Variants in KYNU observed in about 807,000 individuals in gnomAD.
The protein encoded by KYNU is L-kynurenine hydrolase.
Under a neutral mutation model 59.2 loss-of-function variants are expected in KYNU, and 54 were observed. That is an observed-to-expected ratio of 0.91 (90% CI 0.73 to 1.14). The LOEUF is 1.14. KYNU is among the 50% of genes most tolerant of loss of function. The pLI is 0.00. For synonymous variants in KYNU, 177 were observed against 192.0 expected (o/e 0.92, Z 0.65); for missense variants, 567 against 554.4 (o/e 1.02, Z -0.23).
At chr2:142,952,691 A>G (rs1179565867) in intron 4 of KYNU, among the ~76,000 whole-genome samples, 1 of 152,182 alleles carries the variant, frequency 6.6e-6, no homozygotes, top group African/African-American at 2.4e-5. Flanking sequence ...CTCCTGCCTC[A>G]GCCTACCATT....
intron 10 of KYNU, among the ~76,000 whole-genome samples, chr2:143,001,516 A>G (rs1685708001): frequency 6.6e-6 from 1 of 152,174 alleles, no homozygotes; most frequent in Non-Finnish European, 1.5e-5. Context: ...TTGTTAAACC[A>G]TTTTGCTTTA....
In KYNU at chr2:142,954,867, T is replaced by C; in HGVS notation, c.431T>C (p.Leu144Pro). ...GCTTTGACTGTAAATTTACATCTTCTAATGGTAAGTTTTCTTTCCCACTAA... is the reference window on the plus strand; with the variant it reads ...GCTTTGACTGTAAATTTACATCTTCCAATGGTAAGTTTTCTTTCCCACTAA... ...MNALTVNLHL[L>P]MLSFFKPTPK... Residue 144 changes from leucine to proline, a missense_variant, in exon 5 of 14, where the codon CTA becomes CCA. Leu to Pro is a moderately conservative substitution (Grantham distance 98, BLOSUM62 -3). Coordinates refer to ENST00000264170, the MANE Select transcript of KYNU (RefSeq NM_003937.3). 6.3e-7 allele frequency: 1 copy of C among 1,579,756 alleles called. No individual in the cohort carries two copies. The highest frequency in any genetic ancestry group is 1.3e-5 in the African/African-American group (1 of 74,282).
intron 10 of KYNU, among the ~76,000 whole-genome samples, chr2:142,993,506 A>G (rs1685459665): frequency 6.6e-6 from 1 of 152,066 alleles, no homozygotes; most frequent in African/African-American, 2.4e-5. Context: ...AAGTAGACAC[A>G]CCACTTGAAG....
chr2:142,939,602 CA>C (rs71301737), intron 4 of KYNU, among the ~76,000 whole-genome samples: 7,761 of 64,698 alleles, frequency 0.12, 133 homozygotes, highest in East Asian at 0.34. Context: ...CTCCATCTCA[CA>C]AAAAAAAAAA....
At chr2:142,973,875 A>C (rs1388346980) in intron 8 of KYNU, among the ~76,000 whole-genome samples, 1 of 152,212 alleles carries the variant, frequency 6.6e-6, no homozygotes, top group Non-Finnish European at 1.5e-5. Flanking sequence ...AAATATGTAA[A>C]GAGAATATTG....
intron 2 of KYNU, among the ~76,000 whole-genome samples, chr2:142,911,934 T>C (rs1046985633): frequency 6.6e-5 from 10 of 152,306 alleles, no homozygotes; most frequent in Admixed American, 5.9e-4. Flanking sequence ...CATGTGCTTC[T>C]GGATTTGGTT....
Position 142,975,168 on chromosome 2 carries a change from C to G in KYNU, c.730-9916C>G, listed in dbSNP as rs143818918. 2.2e-4 allele frequency among the ~76,000 whole-genome samples: 33 copies of G among 152,190 alleles called. 1 individual carries two copies. The East Asian group carries it at 4.8e-3, about 22-fold the overall frequency. Reference sequence around the variant, plus strand: ...CCTGGCTCACCATGACTGCTCCCCCCACCAAATCCTGTACCCATAAAAACC... The same window carrying G: ...CCTGGCTCACCATGACTGCTCCCCCGACCAAATCCTGTACCCATAAAAACC... On this transcript the variant is annotated intron_variant, in intron 8 of 13. Transcript: ENST00000264170.
rs932332112 is a variant in KYNU at position 143,040,428 on chromosome 2, A to T, written c.1042A>T (p.Ile348Phe). Residue 348 changes from isoleucine (I) to phenylalanine (F), a missense_variant and splice_region_variant, in exon 13 of 14, where the codon ATC becomes TTC. Coordinates refer to ENST00000264170, the MANE Select transcript of KYNU (RefSeq NM_003937.3). ...LVCSLHASLE[I>F]FKQATMKALR... ...AATCTGATTGTTTCTCATTCCACAG[A>T]TCTTTAAGCAAGCGACAATGAAGGC... The T allele has an allele frequency of 6.2e-7, 1 of 1,608,870 alleles. No homozygotes were observed. Among genetic ancestry groups the T allele is most frequent in the Non-Finnish European group, 8.5e-7 (1 of 1,175,706 alleles).
At chr2:142,966,977 T>TAAA (rs112738856) in intron 8 of KYNU, among the ~76,000 whole-genome samples, 1 of 146,110 alleles carries the variant, frequency 6.8e-6, no homozygotes. Flanking sequence ...ACACTAGAAT[T>TAAA]AAAAAAAAAA....
At chr2:142,926,365 TAA>T (rs1411169388) in intron 3 of KYNU, among the ~76,000 whole-genome samples, 2 of 152,196 alleles carry the variant, frequency 1.3e-5, no homozygotes, top group East Asian at 1.9e-4. Context: ...TATTATGAAA[TAA>T]GTTTTAAAAT....
At chr2:142,914,550 T>C (rs1433028931) in intron 2 of KYNU, among the ~76,000 whole-genome samples, 1 of 152,186 alleles carries the variant, frequency 6.6e-6, no homozygotes, top group African/African-American at 2.4e-5. Flanking sequence ...AATTAAAAGT[T>C]AGTGGCAACT....
chr2:143,047,938 G>A lies in KYNU; in HGVS notation c.*5766G>A, dbSNP rs1390495488. On this transcript the variant is annotated 3_prime_UTR_variant, in exon 14 of 14. Coordinates refer to ENST00000264170, the MANE Select transcript of KYNU (RefSeq NM_003937.3). The stretch of plus-strand genomic sequence containing the variant: ...TAGTGGCACGATCTCAGCTCACTGC[G>A]GGTTCAAGCAATTTTCATGCCTCAG... 1 of 3,836 alleles carries A rather than the reference G, an allele frequency of 2.6e-4. No individual in the cohort carries two copies. The highest frequency in any genetic ancestry group is 5.2e-3 in the South Asian group (1 of 194). The allele number at this position is 3,836 out of a possible 1,614,324, so 0.2% of individuals were successfully genotyped here.
chr2:142,885,544 T>C lies in KYNU; in HGVS notation c.169+8T>C. ...TACAGGATCTGCCTCCAGGTAAGAA[T>C]GCTGGGAAGGTTTTTAAATTTTATT... On this transcript the variant is annotated splice_region_variant and intron_variant, in intron 2 of 13. Transcript: ENST00000264170. 1.2e-6 allele frequency: 2 copies of C among 1,610,612 alleles called. No individual in the cohort carries two copies. Among genetic ancestry groups the C allele is most frequent in the South Asian group, 1.1e-5 (1 of 90,572 alleles).
At chr2:142,985,323 C>T (rs556360342) in intron 9 of KYNU, 141 bp downstream of exon 9, 127 of 678,994 alleles carry the variant, frequency 1.9e-4, no homozygotes, top group South Asian at 1.6e-3. Flanking sequence ...TTTTGTTAAT[C>T]GAGTTATATG....
intron 2 of KYNU, among the ~76,000 whole-genome samples, chr2:142,887,571 A>G (rs150600236): frequency 1.3e-5 from 2 of 152,334 alleles, no homozygotes; most frequent in African/African-American, 4.8e-5. Context: ...GATATGATGG[A>G]ACCTTATTAA....
rs6728443 is a variant in KYNU at position 142,916,959 on chromosome 2, C to A, written c.170-1650C>A. ...AAGTGAGAGAGAAAACCAAGAGGAC[C>A]ATTGAGAAACTGCAAAAAATGTATG... On this transcript the variant is annotated intron_variant, in intron 2 of 13. Transcript: ENST00000264170. 2.8e-3 allele frequency among the ~76,000 whole-genome samples: 433 copies of A among 152,226 alleles called. 5 individuals carry two copies. The highest frequency in any genetic ancestry group is 1.0e-2 in the African/African-American group (415 of 41,552).
At chr2:142,920,412 C>T (rs1436198954) in intron 3 of KYNU, among the ~76,000 whole-genome samples, 6 of 152,176 alleles carry the variant, frequency 3.9e-5, no homozygotes, top group African/African-American at 1.4e-4. Context: ...GTCCTTGCCT[C>T]TTGGATATTC....
At chr2:142,882,722 T>G (rs1339894190) in intron 1 of KYNU, among the ~76,000 whole-genome samples, 8 of 152,216 alleles carry the variant, frequency 5.3e-5, no homozygotes, top group Non-Finnish European at 1.2e-4. Flanking sequence ...CTTAATCCAG[T>G]CTATCATTGA....
In KYNU at chr2:143,050,616, T is replaced by C. The variant is rs1687249234; in HGVS notation, c.*8444T>C. ...TATTACAATATATAGGGCTGTTTTT[T>C]TAAAACTAATTATATTTATTTCATG... On this transcript the variant is annotated 3_prime_UTR_variant, in exon 14 of 14. Transcript: ENST00000264170. The C allele has an allele frequency of 6.6e-6, 1 of 152,208 alleles. No individual in the cohort carries two copies. The highest frequency in any genetic ancestry group is 6.5e-5 in the Admixed American group (1 of 15,268). The allele number at this position is 152,208 out of a possible 1,614,324, so 9.4% of individuals were successfully genotyped here. A position where few individuals can be genotyped will look rare whatever the true frequency, so the allele number is the denominator to read the frequency against.
Sources: gnomAD v4.1 joint callset for allele counts (sites outside exome capture counted in the v4.1 genomes callset) on GRCh38, gnomAD v4.1.1 for gene constraint, MANE v1.5 for transcripts, NCBI Gene and HGNC (gene_info 2026-07-23, HGNC 2026-07-21) for gene names.